PLEKHG4B: variants seen among roughly 807,000 people sequenced by gnomAD.
PLEKHG4B encodes pleckstrin homology and RhoGEF domain containing G4B.
PLEKHG4B carries 111 observed loss-of-function variants against 121.3 expected under a neutral mutation model. That is an observed-to-expected ratio of 0.92 (90% CI 0.78 to 1.07). The LOEUF (loss-of-function observed/expected upper bound fraction) is 1.07, where lower values mean the gene tolerates loss of function less well. Ranked by LOEUF, PLEKHG4B falls within the 50% of genes least tolerant of loss-of-function variation. The pLI, the probability that PLEKHG4B is intolerant of heterozygous loss-of-function variation, is 0.00. For synonymous variants in PLEKHG4B, 738 were observed against 725.0 expected (o/e 1.02, Z -0.29); for missense variants, 1,831 against 1,757.8 (o/e 1.04, Z -0.74).
chr5:169,065 G>A (rs1362387277), intron 13 of PLEKHG4B: 3 of 424,906 alleles, frequency 7.1e-6, no homozygotes, highest in Non-Finnish European at 1.3e-5. Flanking sequence ...GAGTAGAGAC[G>A]AGGTTTCACC....
chr5:137,139 C>T lies in PLEKHG4B; in HGVS notation c.244-2344C>T, dbSNP rs11741544. On this transcript the variant is annotated intron_variant, in intron 2 of 19. Coordinates refer to ENST00000637938, the MANE Select transcript of PLEKHG4B (RefSeq NM_052909.5). This position sits in a 1 kb window ranked among gnomAD's most constrained non-coding sequence, Gnocchi z 4.2. The stretch of plus-strand genomic sequence containing the variant: ...GTGGCATGGATAGACCTTGAGGATA[C>T]TGTGCCAATGGATAGGAGCCAGTAC... 0.065 allele frequency among the ~76,000 whole-genome samples: 9,867 copies of T among 152,252 alleles called. 451 individuals carry two copies. Among genetic ancestry groups the T allele is most frequent in the Non-Finnish European group, 0.091 (6,180 of 68,014 alleles).
intron 6 of PLEKHG4B, among the ~76,000 whole-genome samples, chr5:148,352 A>AT (rs1318161408): frequency 1.3e-5 from 2 of 151,170 alleles, no homozygotes; most frequent in Non-Finnish European, 2.9e-5. Context: ...CACAAAAAAA[A>AT]AAAAATAAAT....
intron 3 of PLEKHG4B, among the ~76,000 whole-genome samples, chr5:142,484 T>A (rs1325164828): frequency 6.7e-6 from 1 of 149,618 alleles, no homozygotes; most frequent in Non-Finnish European, 1.5e-5. Flanking sequence ...GAGTTACACA[T>A]ATCACACACG....
chr5:171,143 T>G lies in PLEKHG4B; in HGVS notation c.3819+11T>G. 1 of 1,611,570 alleles carries G rather than the reference T, an allele frequency of 6.2e-7. No homozygotes were observed. The highest frequency in any genetic ancestry group is 8.5e-7 in the Non-Finnish European group (1 of 1,178,766). On this transcript the variant is annotated intron_variant, in intron 15 of 19. Coordinates refer to ENST00000637938, the MANE Select transcript of PLEKHG4B (RefSeq NM_052909.5). ...AACGCCTTCTTCAAGGTCATCCCCC[T>G]CGGCCCGCCCCCCACAGCCTGCCCG...
intron 6 of PLEKHG4B, among the ~76,000 whole-genome samples, chr5:150,981 A>G (rs753962123): frequency 7.9e-5 from 12 of 152,254 alleles, no homozygotes; most frequent in Non-Finnish European, 1.2e-4. Context: ...GTGGTGAGGC[A>G]TACCGTGGAA....
At chr5:118,110 A>C in intron 2 of PLEKHG4B, among the ~76,000 whole-genome samples, 1 of 152,196 alleles carries the variant, frequency 6.6e-6, no homozygotes, top group East Asian at 1.9e-4. Context: ...ATAACAAACT[A>C]AATATCATAA....
chr5:165,758 C>T (rs1378809155), intron 13 of PLEKHG4B, among the ~76,000 whole-genome samples: 15 of 23,014 alleles, frequency 6.5e-4, no homozygotes, highest in African/African-American at 2.4e-3. Context: ...TCTGACGGGG[C>T]GGGGCTCACA....
chr5:169,491 A>G lies in PLEKHG4B; in HGVS notation c.3628A>G (p.Asn1210Asp). 1 of 1,614,220 alleles carries G rather than the reference A, an allele frequency of 6.2e-7. No individual in the cohort carries two copies. The highest frequency in any genetic ancestry group is 1.1e-5 in the South Asian group (1 of 91,090). Reference sequence around the variant, plus strand: ...AGGGAAGCACCACGTTATTTTCGGCAACTTGGAGAAGCTCCACGACTTCCA... The same window carrying G: ...AGGGAAGCACCACGTTATTTTCGGCGACTTGGAGAAGCTCCACGACTTCCA... ...LRGKHHVIFGNLEKLHDFHQQ... is the reference protein window; with the variant it reads ...LRGKHHVIFGDLEKLHDFHQQ... Residue 1210 changes from asparagine (N) to aspartate (D), a missense_variant, in exon 14 of 20, where the codon AAC becomes GAC. Coordinates refer to ENST00000637938, the MANE Select transcript of PLEKHG4B (RefSeq NM_052909.5).
chr5:155,625 A>G (rs767612803), intron 9 of PLEKHG4B, among the ~76,000 whole-genome samples, 182 bp downstream of exon 9: 2 of 152,240 alleles, frequency 1.3e-5, no homozygotes, highest in African/African-American at 4.8e-5. Context: ...CTTTGTCACC[A>G]AAAACATCCC....
chr5:143,316 A>C lies in PLEKHG4B; in HGVS notation c.1687+60A>C, dbSNP rs538817611. On this transcript the variant is annotated intron_variant, in intron 4 of 19. Coordinates refer to ENST00000637938, the MANE Select transcript of PLEKHG4B (RefSeq NM_052909.5). ...GATCTGACATCTAAGCCGACAGCAC[A>C]GACCCAGCTCACCACCTTGTAGGAG... 1,107 of 1,607,588 alleles carry C rather than the reference A, an allele frequency of 6.9e-4. 1 individual carries two copies. The highest frequency in any genetic ancestry group is 9.0e-4 in the Non-Finnish European group (1,060 of 1,177,500).
At chr5:165,657 C>G (rs71583040) in intron 13 of PLEKHG4B, among the ~76,000 whole-genome samples, 2 of 40,100 alleles carry the variant, frequency 5.0e-5, no homozygotes, top group South Asian at 1.0e-3. Flanking sequence ...GGAGCTCACA[C>G]TAATGCTCTG....
At chr5:111,970 C>T (rs572058115) in intron 1 of PLEKHG4B, among the ~76,000 whole-genome samples, 16 of 152,312 alleles carry the variant, frequency 1.1e-4, no homozygotes, top group South Asian at 2.1e-4. Context: ...TGGCCTGAGA[C>T]GGGCCCACTC....
rs146510418 is a variant in PLEKHG4B at position 163,120 on chromosome 5, G to C, written c.3048G>C (p.Ala1016=). Residue 1016 remains alanine, a synonymous_variant, in exon 13 of 20, where the codon GCG becomes GCC. Coordinates refer to ENST00000637938, the MANE Select transcript of PLEKHG4B (RefSeq NM_052909.5). ...CACTGTCCGGCCTCCCTGGACGAGC[G>C]CTTCTGTGTGGACAGGACGGGGAGA... is the stretch of plus-strand genomic sequence containing the variant. ...AQPLSGLPGR[A]LLCGQDGETL... 6.4e-7 allele frequency: 1 copy of C among 1,563,870 alleles called. No homozygotes were observed. Among genetic ancestry groups the C allele is most frequent in the South Asian group, 1.2e-5 (1 of 84,324 alleles).
At chr5:111,366 C>T (rs1240699860) in intron 1 of PLEKHG4B, among the ~76,000 whole-genome samples, 1 of 152,220 alleles carries the variant, frequency 6.6e-6, no homozygotes, top group East Asian at 1.9e-4. Flanking sequence ...GCAGGTGGGA[C>T]CCACTGAGTG....
chr5:120,517 G>C (rs1734436348), intron 2 of PLEKHG4B, among the ~76,000 whole-genome samples: 1 of 152,182 alleles, frequency 6.6e-6, no homozygotes, highest in South Asian at 2.1e-4. Context: ...CTGGTGGCCA[G>C]TGAAGTCTGA....
At chr5:130,739 G>A (rs1036256934) in intron 2 of PLEKHG4B, among the ~76,000 whole-genome samples, 8 of 152,196 alleles carry the variant, frequency 5.3e-5, no homozygotes, top group Non-Finnish European at 1.2e-4. Context: ...AACAACTTGA[G>A]TGCACCGCTT....
chr5:146,816 C>T (rs1411597709), intron 6 of PLEKHG4B, among the ~76,000 whole-genome samples: 1 of 151,090 alleles, frequency 6.6e-6, no homozygotes, highest in Non-Finnish European at 1.5e-5. Flanking sequence ...TTGCATCGAG[C>T]CTGCCTCCCC....
Position 163,256 on chromosome 5 carries a change from G to A in PLEKHG4B, c.3184G>A (p.Glu1062Lys), listed in dbSNP as rs372964740. 17 of 1,611,828 alleles carry A rather than the reference G, an allele frequency of 1.1e-5. No individual in the cohort carries two copies. The highest frequency in any genetic ancestry group is 1.4e-5 in the Non-Finnish European group (17 of 1,179,446). Residue 1062 changes from glutamate (E) to lysine (K), a missense_variant, in exon 13 of 20, where the codon GAG becomes AAG. Physicochemically the swap from Glu to Lys is moderately conservative, Grantham distance 56. Transcript: ENST00000637938. ...GGAGGACAGCTCTGCCTGTTCCTCTGAGCCCACCCAGACCCTGGCCAGCCG... is the reference window on the plus strand; with the variant it reads ...GGAGGACAGCTCTGCCTGTTCCTCTAAGCCCACCCAGACCCTGGCCAGCCG... ...HLEDSSACSS[E>K]PTQTLASRPR...
chr5:181,820 C>T (rs899624026), intron 19 of PLEKHG4B, 145 bp downstream of exon 19: 3 of 1,325,196 alleles, frequency 2.3e-6, no homozygotes, highest in Non-Finnish European at 3.1e-6. Flanking sequence ...GTACGGTGGC[C>T]TCGGCCCCGC....
Sources: allele counts gnomAD v4.1 joint callset (sites outside exome capture counted in the v4.1 genomes callset), GRCh38; gene constraint gnomAD v4.1.1; non-coding constraint Gnocchi (gnomAD v3.1); transcripts MANE v1.5; gene names NCBI Gene and HGNC (gene_info 2026-07-23, HGNC 2026-07-21).